CUL4A: variants seen among roughly 807,000 people sequenced by gnomAD.
CUL4A encodes the protein cullin-4A.
CUL4A carries 16 observed loss-of-function variants against 95.5 expected under a neutral mutation model. That is an observed-to-expected ratio of 0.17 (90% confidence interval 0.11 to 0.25). The LOEUF is 0.25. Among genes scored for constraint, CUL4A ranks in the 10% least tolerant of loss-of-function variants. CUL4A has a pLI of 1.00. For synonymous variants in CUL4A, 380 were observed against 353.1 expected (o/e 1.08, Z -0.85); for missense variants, 610 against 937.0 (o/e 0.65, Z 4.56).
intron 3 of CUL4A, among the ~76,000 whole-genome samples, chr13:113,220,406 C>G (rs2040853477): frequency 6.6e-6 from 1 of 152,256 alleles, no homozygotes; most frequent in Non-Finnish European, 1.5e-5. Flanking sequence ...CGCACACCAC[C>G]TTTTGGAACC....
chr13:113,232,953 A>G (rs2041409250), intron 5 of CUL4A, among the ~76,000 whole-genome samples: 1 of 152,174 alleles, frequency 6.6e-6, no homozygotes, highest in Non-Finnish European at 1.5e-5. Context: ...ATGACCTAGC[A>G]GCGTCTCCAG....
intron 6 of CUL4A, 141 bp downstream of exon 6, chr13:113,233,480 G>A (rs1200134091): frequency 6.4e-6 from 5 of 786,412 alleles, no homozygotes; most frequent in Admixed American, 2.9e-5. Flanking sequence ...TCCCTAGAAG[G>A]GGAATAGCGC....
At chr13:113,210,856 G>A (rs1297161811) in intron 2 of CUL4A, among the ~76,000 whole-genome samples, 1 of 152,188 alleles carries the variant, frequency 6.6e-6, no homozygotes, top group African/African-American at 2.4e-5. Flanking sequence ...ATACAAAAAA[G>A]AAGACTTCAA....
At chr13:113,242,434 CAGTCGTTTGTA>C (rs2041742537) in intron 10 of CUL4A, among the ~76,000 whole-genome samples, 1 of 152,130 alleles carries the variant, frequency 6.6e-6, no homozygotes, top group African/African-American at 2.4e-5. Context: ...GGACATTTTC[CAGTCGTTTGTA>C]AGTTCTCTCA....
At position 113,239,563 on chromosome 13, in the gene CUL4A, GT is replaced by G; in HGVS notation, c.1035+16del. ...GCGAGTACATCAAGGTACTGGCGGG[GT>G]TTTGAGGCCGCGGGCGTGGGCATTC... On this transcript the variant is annotated intron_variant, in intron 10 of 19. Transcript: ENST00000375440. 6.3e-7 allele frequency: 1 copy of G among 1,596,392 alleles called. No homozygotes were observed. Among genetic ancestry groups the G allele is most frequent in the Non-Finnish European group, 8.6e-7 (1 of 1,168,020 alleles).
chr13:113,224,489 GTGGA>G (rs2041028725), intron 3 of CUL4A, among the ~76,000 whole-genome samples: 1 of 152,226 alleles, frequency 6.6e-6, no homozygotes, highest in Non-Finnish European at 1.5e-5. Flanking sequence ...CCAGGCAGTG[GTGGA>G]CACCATGATA....
chr13:113,260,466 C>T (rs930839322), intron 18 of CUL4A, 141 bp from the exon 19 acceptor site: 7 of 648,846 alleles, frequency 1.1e-5, no homozygotes, highest in Non-Finnish European at 1.5e-5. Context: ...AAGAGAATCG[C>T]TTGATCCTGG....
chr13:113,256,726 G>A (rs1368225415), intron 18 of CUL4A, among the ~76,000 whole-genome samples: 1 of 151,968 alleles, frequency 6.6e-6, no homozygotes, highest in African/African-American at 2.4e-5. Context: ...TAAATGAATC[G>A]TTTAGAAAGC....
At chr13:113,253,980 T>A (rs9577220) in intron 16 of CUL4A, among the ~76,000 whole-genome samples, 33,672 of 152,130 alleles carry the variant, frequency 0.22, 4,779 homozygotes, top group East Asian at 0.55. Context: ...AACCATATAT[T>A]CTCTTCCTTA....
In CUL4A at chr13:113,255,006, G is replaced by A. The variant is rs754057124; in HGVS notation, c.1912G>A (p.Val638Met). 41 of 1,614,092 alleles carry A rather than the reference G, an allele frequency of 2.5e-5. No homozygotes were observed. The highest frequency in any genetic ancestry group is 3.2e-5 in the Non-Finnish European group (38 of 1,180,030). The part of the protein sequence containing the change: ...LQSLACGKAR[V>M]LIKSPKGKEV... ...GTCCCTGGCCTGTGGCAAAGCACGT[G>A]TGCTGATTAAAAGTCCCAAAGGAAA... is the stretch of plus-strand genomic sequence containing the variant. The change falls in exon 18 of 20, where the codon GTG (valine) becomes ATG (methionine). Residue 638 changes from valine (V) to methionine (M), a missense_variant. Physicochemically the swap from Val to Met is conservative, Grantham distance 21 (BLOSUM62 1). This residue lies in a region of CUL4A where 72 missense variants were observed against 93.2 expected (regional missense o/e 0.77). Coordinates refer to ENST00000375440, the MANE Select transcript of CUL4A (RefSeq NM_001008895.4).
At chr13:113,230,647 G>C (rs1018519002) in intron 5 of CUL4A, among the ~76,000 whole-genome samples, 5 of 152,172 alleles carry the variant, frequency 3.3e-5, no homozygotes, top group African/African-American at 4.8e-5. Context: ...AATCCCTAGA[G>C]CAGCTCTGTG....
intron 16 of CUL4A, 21 bp from the exon 17 acceptor site, chr13:113,254,672 T>C: frequency 6.8e-7 from 1 of 1,467,740 alleles, no homozygotes; most frequent in Admixed American, 1.9e-5. Context: ...TTCAGAGGTG[T>C]GATGAGGCCT....
At chr13:113,260,318 A>G (rs1031517109) in intron 18 of CUL4A, among the ~76,000 whole-genome samples, 1 of 151,710 alleles carries the variant, frequency 6.6e-6, no homozygotes, top group Admixed American at 6.6e-5. Context: ...TGGGAGGCCA[A>G]GGTGGGCGGA....
chr13:113,209,887 CGCCGGGGCGCCGGCCGGGTCGGGGGT>C lies in CUL4A; in HGVS notation c.149-84_149-59del, dbSNP rs913717706. The C allele has an allele frequency of 2.0e-5, 23 of 1,168,810 alleles. 1 individual carries two copies. The African/African-American group carries it at 2.6e-4, about 13-fold the overall frequency. The allele number at this position is 1,168,810 out of a possible 1,614,324, so 72.4% of individuals were successfully genotyped here. The stretch of plus-strand genomic sequence containing the variant: ...TCCGTGCGGGCCCCGGGAGCGGGGG[CGCCGGGGCGCCGGCCGGGTCGGGGGT>C]GGCTACGCGGGGCGCTTCGCGGCGC... On this transcript the variant is annotated intron_variant, in intron 1 of 19. Transcript: ENST00000375440.
chr13:113,221,642 G>C (rs567946674), intron 3 of CUL4A, among the ~76,000 whole-genome samples: 1 of 152,154 alleles, frequency 6.6e-6, no homozygotes, highest in South Asian at 2.1e-4. Context: ...GCAGTGGCAC[G>C]ATCTCGGCTC....
Position 113,244,524 on chromosome 13 carries a change from G to T in CUL4A, c.1333+10G>T. ...TTCAGGTTTATCCACGGTGAGACTCGGGCACTCAGAAAATGCTGCATAATC... is the reference window on the plus strand; with the variant it reads ...TTCAGGTTTATCCACGGTGAGACTCTGGCACTCAGAAAATGCTGCATAATC... On this transcript the variant is annotated intron_variant, in intron 12 of 19. Coordinates refer to ENST00000375440, the MANE Select transcript of CUL4A (RefSeq NM_001008895.4). 1 of 1,597,054 alleles carries T rather than the reference G, an allele frequency of 6.3e-7. No individual in the cohort carries two copies. The highest frequency in any genetic ancestry group is 1.1e-5 in the South Asian group (1 of 89,238).
chr13:113,213,329 AG>A (rs1174469204), intron 2 of CUL4A, among the ~76,000 whole-genome samples: 1 of 152,242 alleles, frequency 6.6e-6, no homozygotes, highest in African/African-American at 2.4e-5. Flanking sequence ...GAAGCTGAGC[AG>A]TTGGGGCCTG....
At position 113,235,119 on chromosome 13, in the gene CUL4A, A is replaced by T. The variant is rs1475306567; in HGVS notation, c.822A>T (p.Val274=). 1.2e-6 allele frequency: 2 copies of T among 1,613,326 alleles called. No individual in the cohort carries two copies. The highest frequency in any genetic ancestry group is 1.7e-6 in the Non-Finnish European group (2 of 1,179,348). ...SKRLEEEGDR[V]ITYLDHSTQK... is the part of the protein sequence containing the mutation. ...GCTTAGAGGAAGAGGGAGACAGAGT[A>T]ATCACTTACTTGGACCACAGCACAC... Residue 274 remains valine, a synonymous_variant, in exon 8 of 20, where the codon GTA becomes GTT. Coordinates refer to ENST00000375440, the MANE Select transcript of CUL4A (RefSeq NM_001008895.4).
intron 2 of CUL4A, among the ~76,000 whole-genome samples, chr13:113,216,210 A>G (rs2040687124): frequency 6.6e-6 from 1 of 151,640 alleles, no homozygotes; most frequent in African/African-American, 2.4e-5. Flanking sequence ...CTGTGTGACT[A>G]TGGAGGTCAT....
Sources: allele counts gnomAD v4.1 joint callset (sites outside exome capture counted in the v4.1 genomes callset), GRCh38; gene constraint gnomAD v4.1.1; regional missense constraint gnomAD v4.1.1; transcripts MANE v1.5; gene names NCBI Gene and HGNC (gene_info 2026-07-23, HGNC 2026-07-21).